The following EXOC6B variants were observed in gnomAD, a reference collection of about 807,000 sequenced individuals.
EXOC6B encodes the protein exocyst complex component 6B.
Under a neutral mutation model 113.5 loss-of-function variants are expected in EXOC6B, and 54 were observed. The ratio of observed to expected loss-of-function variants is 0.48; its 90% CI spans 0.38 to 0.60. EXOC6B has a LOEUF of 0.60. EXOC6B is among the 20% of genes least tolerant of loss of function. The pLI is 0.00. For synonymous variants in EXOC6B, 357 were observed against 339.0 expected (o/e 1.05, Z -0.58); for missense variants, 797 against 977.5 (o/e 0.82, Z 2.46).
chr2:72,448,419 T>A lies in EXOC6B; in HGVS notation c.1980+16741A>T, dbSNP rs116842107. Among the ~76,000 whole-genome samples, 282 of 152,302 alleles carry A rather than the reference T, an allele frequency of 1.9e-3. 8 individuals are homozygous for A. The East Asian group carries it at 0.05, about 27-fold the overall frequency. On this transcript the variant is annotated intron_variant, in intron 18 of 21. Transcript: ENST00000272427. ...AAATCAACTTATAATATAGGTAATA[T>A]CTTACAATGTGACAAACAATATATT...
At chr2:72,419,327 CAG>C (rs1213685553) in intron 18 of EXOC6B, among the ~76,000 whole-genome samples, 3 of 152,128 alleles carry the variant, frequency 2.0e-5, no homozygotes, top group East Asian at 3.8e-4. Flanking sequence ...AAACAAAAAG[CAG>C]AGTTACAACT....
At chr2:72,338,962 C>CAT (rs1203331871) in intron 19 of EXOC6B, among the ~76,000 whole-genome samples, 1 of 141,770 alleles carries the variant, frequency 7.1e-6, no homozygotes, top group African/African-American at 2.7e-5. Flanking sequence ...TACACATACA[C>CAT]ATACATACAC....
At chr2:72,723,053 T>C (rs1474636153) in intron 5 of EXOC6B, among the ~76,000 whole-genome samples, 1 of 152,180 alleles carries the variant, frequency 6.6e-6, no homozygotes, top group Admixed American at 6.5e-5. Context: ...ATGTCTAGTC[T>C]ATTTCAATAT....
chr2:72,625,381 T>C (rs919743198), intron 6 of EXOC6B, among the ~76,000 whole-genome samples: 2 of 152,138 alleles, frequency 1.3e-5, no homozygotes, highest in Non-Finnish European at 2.9e-5. Context: ...TTGCCTATAA[T>C]TACATAGTTA....
At chr2:72,369,548 T>C (rs746073965) in intron 19 of EXOC6B, among the ~76,000 whole-genome samples, 43 of 152,086 alleles carry the variant, frequency 2.8e-4, no homozygotes, top group Non-Finnish European at 2.4e-4. Flanking sequence ...GAGCCCGCAT[T>C]GCCAAGTCAC....
intron 13 of EXOC6B, among the ~76,000 whole-genome samples, chr2:72,496,924 G>C (rs1300555030): frequency 6.8e-6 from 1 of 147,502 alleles, no homozygotes; most frequent in African/African-American, 2.5e-5. Context: ...TTTTCTGTTT[G>C]GTTTAATATG....
chr2:72,307,161 G>GTTTTTTTTTTTGTTTTTTTTTTTTTT (rs1553371309), intron 20 of EXOC6B, among the ~76,000 whole-genome samples: 1 of 128,514 alleles, frequency 7.8e-6, no homozygotes, highest in African/African-American at 3.8e-5. Context: ...GTATAGTCCA[G>GTTTTTTTTTTTGTTTTTTTTTTTTTT]TTTTTTTTTT....
intron 1 of EXOC6B, among the ~76,000 whole-genome samples, chr2:72,819,024 A>G (rs1235211606): frequency 6.6e-6 from 1 of 152,200 alleles, no homozygotes; most frequent in Non-Finnish European, 1.5e-5. Context: ...AAGCTCAATA[A>G]GGATAGGGAC....
chr2:72,209,223 CA>C (rs1170760516), intron 20 of EXOC6B, among the ~76,000 whole-genome samples: 254 of 57,118 alleles, frequency 4.4e-3, no homozygotes, highest in Admixed American at 0.031. Context: ...AACTCAGTCT[CA>C]AAAAAAAAAA....
At chr2:72,358,351 G>A (rs1364751251) in intron 19 of EXOC6B, among the ~76,000 whole-genome samples, 1 of 151,958 alleles carries the variant, frequency 6.6e-6, no homozygotes, top group Non-Finnish European at 1.5e-5. Flanking sequence ...TTTTATAAAT[G>A]AGGAGCCCAA....
chr2:72,479,927 G>C (rs996417498), intron 17 of EXOC6B, among the ~76,000 whole-genome samples: 2 of 152,208 alleles, frequency 1.3e-5, no homozygotes, highest in African/African-American at 4.8e-5. Context: ...ACAGGGCCGG[G>C]TGTGGTGGTT....
At chr2:72,605,925 T>C (rs921370205) in intron 6 of EXOC6B, among the ~76,000 whole-genome samples, 1 of 152,194 alleles carries the variant, frequency 6.6e-6, no homozygotes, top group African/African-American at 2.4e-5. Flanking sequence ...TGACATATCA[T>C]ATAATATGTG....
At chr2:72,251,944 C>A (rs1179750641) in intron 20 of EXOC6B, among the ~76,000 whole-genome samples, 1 of 152,094 alleles carries the variant, frequency 6.6e-6, no homozygotes, top group Admixed American at 6.6e-5. Flanking sequence ...ATATTTCCCC[C>A]CCTTCTTCTC....
intron 18 of EXOC6B, among the ~76,000 whole-genome samples, chr2:72,413,021 C>T (rs1042739154): frequency 3.9e-5 from 6 of 151,976 alleles, no homozygotes; most frequent in Non-Finnish European, 8.8e-5. Context: ...TGCAGTGGCG[C>T]GATCTCAGCT....
intron 7 of EXOC6B, among the ~76,000 whole-genome samples, chr2:72,563,240 T>C (rs1419853878): frequency 6.6e-6 from 1 of 152,154 alleles, no homozygotes; most frequent in Non-Finnish European, 1.5e-5. Flanking sequence ...CATTCTTCTA[T>C]AAATACACAT....
intron 16 of EXOC6B, among the ~76,000 whole-genome samples, chr2:72,486,157 G>A (rs1699411084): frequency 6.6e-6 from 1 of 152,048 alleles, no homozygotes; most frequent in Non-Finnish European, 1.5e-5. Flanking sequence ...ATCACCTGAG[G>A]TCAGGAGTTG....
intron 20 of EXOC6B, among the ~76,000 whole-genome samples, chr2:72,268,475 GA>G (rs898272054): frequency 6.6e-6 from 1 of 152,042 alleles, no homozygotes; most frequent in African/African-American, 2.4e-5. Context: ...AAATAATAAT[GA>G]AAAAAATGTT....
At chr2:72,255,443 G>C (rs6709233) in intron 20 of EXOC6B, among the ~76,000 whole-genome samples, 37,137 of 152,230 alleles carry the variant, frequency 0.24, 8,177 homozygotes, top group African/African-American at 0.59. Flanking sequence ...AGTAGACACT[G>C]ATGAAGCCAC....
At chr2:72,252,475 AAAACAAAC>A (rs532885036) in intron 20 of EXOC6B, among the ~76,000 whole-genome samples, 18 of 152,136 alleles carry the variant, frequency 1.2e-4, no homozygotes, top group Non-Finnish European at 2.6e-4. Context: ...TCTGTCACAA[AAAACAAAC>A]AAACAAACAA....
Sources: allele counts gnomAD v4.1 joint callset (sites outside exome capture counted in the v4.1 genomes callset), GRCh38; gene constraint gnomAD v4.1.1; transcripts MANE v1.5; gene names NCBI Gene and HGNC (gene_info 2026-07-23, HGNC 2026-07-21).